Variants in SUPT3H observed in about 807,000 individuals in gnomAD.
SUPT3H encodes SPT3 homolog, SAGA and STAGA complex component.
SUPT3H carries 44 observed loss-of-function variants against 44.3 expected under a neutral mutation model. That is an observed-to-expected ratio of 0.99 (90% CI 0.78 to 1.28). The LOEUF (loss-of-function observed/expected upper bound fraction) is 1.28. Among genes scored for constraint, SUPT3H ranks in the 50% most tolerant of loss-of-function variants. The probability of loss-of-function intolerance (pLI) is 0.00; values close to 1 mark genes in which losing one functional copy is unlikely to be tolerated. For synonymous variants in SUPT3H, 124 were observed against 125.6 expected (o/e 0.99, Z 0.09); for missense variants, 380 against 387.1 (o/e 0.98, Z 0.15).
rs115741877 is a variant in SUPT3H, at chr6:44,921,653, A to G, written c.912+11000T>C. Among the ~76,000 whole-genome samples the G allele has an allele frequency of 6.5e-3, 989 of 152,290 alleles. 13 individuals carry two copies. The highest frequency in any genetic ancestry group is 0.022 in the African/African-American group (934 of 41,550). ...TTTGTCAACTATAACTCATTTACTT[A>G]TTAGGATCTTACCTAATTAGTCTTG... On this transcript the variant is annotated intron_variant, in intron 10 of 10. Transcript: ENST00000371459.
At chr6:44,890,335 A>G (rs57097036) in intron 10 of SUPT3H, among the ~76,000 whole-genome samples, 34 of 147,392 alleles carry the variant, frequency 2.3e-4, no homozygotes, top group East Asian at 4.0e-4. Context: ...CATTATTCAC[A>G]ATAGCAAAGA....
chr6:44,895,428 T>G (rs895399244), intron 10 of SUPT3H, among the ~76,000 whole-genome samples: 1 of 152,164 alleles, frequency 6.6e-6, no homozygotes, highest in African/African-American at 2.4e-5. Flanking sequence ...CTGAAAGCTC[T>G]GAAGATAATT....
At chr6:44,955,820 G>A (rs887937152) in intron 7 of SUPT3H, among the ~76,000 whole-genome samples, 14 of 152,154 alleles carry the variant, frequency 9.2e-5, no homozygotes, top group African/African-American at 3.4e-4. Flanking sequence ...CTCAGAAATT[G>A]CTACTAAAGA....
At chr6:45,101,669 C>T (rs1007131394) in intron 3 of SUPT3H, among the ~76,000 whole-genome samples, 1 of 152,046 alleles carries the variant, frequency 6.6e-6, no homozygotes, top group South Asian at 2.1e-4. Flanking sequence ...ACAAAGAAAT[C>T]ATAAATGTTT....
At chr6:45,296,516 A>G (rs1000330603) in intron 2 of SUPT3H, among the ~76,000 whole-genome samples, 2 of 152,036 alleles carry the variant, frequency 1.3e-5, no homozygotes, top group African/African-American at 4.8e-5. Flanking sequence ...AGGTGGGCAG[A>G]TTACCTGAGG....
intron 2 of SUPT3H, among the ~76,000 whole-genome samples, chr6:45,140,448 C>T (rs76843790): frequency 0.02 from 3,097 of 152,280 alleles, 42 homozygotes; most frequent in Non-Finnish European, 0.032. Flanking sequence ...CCACCCAACT[C>T]AGGCAATTAC....
intron 2 of SUPT3H, among the ~76,000 whole-genome samples, chr6:45,158,063 AATT>A (rs974983446): frequency 1.1e-4 from 16 of 146,594 alleles, no homozygotes; most frequent in African/African-American, 2.0e-4. Context: ...TTTATTTATA[AATT>A]ATTATAATTT....
intron 2 of SUPT3H, among the ~76,000 whole-genome samples, chr6:45,167,325 T>C (rs1430599555): frequency 6.6e-6 from 1 of 152,208 alleles, no homozygotes; most frequent in Non-Finnish European, 1.5e-5. Flanking sequence ...TCTCCTGGAA[T>C]TTCTCTTGGA....
At position 44,851,009 on chromosome 6, in the gene SUPT3H, A is replaced by G. The variant is rs16872738; in HGVS notation, c.913-21152T>C. 4.7e-3 allele frequency among the ~76,000 whole-genome samples: 719 copies of G among 152,296 alleles called. 12 individuals are homozygous for G. The highest frequency in any genetic ancestry group is 0.017 in the African/African-American group (687 of 41,562). On this transcript the variant is annotated intron_variant, in intron 10 of 10. Transcript: ENST00000371459. Reference sequence around the variant, plus strand: ...TTTTGGGAGCTCAAGGTCTAATGACATGGCTGTGACCTCTGACAGATGGTG... The same window carrying G: ...TTTTGGGAGCTCAAGGTCTAATGACGTGGCTGTGACCTCTGACAGATGGTG...
chr6:44,884,947 C>T (rs1778896394), intron 10 of SUPT3H, among the ~76,000 whole-genome samples: 1 of 152,172 alleles, frequency 6.6e-6, no homozygotes, highest in African/African-American at 2.4e-5. Context: ...TAAAAAACGG[C>T]GCACCAGGAG....
At chr6:45,089,900 T>C (rs187990982) in intron 3 of SUPT3H, among the ~76,000 whole-genome samples, 24 of 152,204 alleles carry the variant, frequency 1.6e-4, no homozygotes, top group Non-Finnish European at 2.8e-4. Flanking sequence ...TGTCCCCAGC[T>C]GTCTACAGAA....
chr6:45,189,180 T>C (rs910308654), intron 2 of SUPT3H, among the ~76,000 whole-genome samples: 18 of 152,144 alleles, frequency 1.2e-4, no homozygotes, highest in African/African-American at 4.1e-4. Flanking sequence ...GCCAAACAAA[T>C]AAAATTATAT....
At chr6:44,986,336 C>G (rs1185667015) in intron 6 of SUPT3H, among the ~76,000 whole-genome samples, 1 of 152,126 alleles carries the variant, frequency 6.6e-6, no homozygotes, top group Non-Finnish European at 1.5e-5. Context: ...AACAGGGTAA[C>G]AGAAACTATC....
Position 45,281,604 on chromosome 6 carries a change from T to A in SUPT3H, c.101+83597A>T, listed in dbSNP as rs189154706. On this transcript the variant is annotated intron_variant, in intron 2 of 10. Transcript: ENST00000371459. ...AACAAAGCAGCCGGGAAGCTCAAAC[T>A]GGATGGAGCCCAGCACAGCTCAAGG... is the stretch of plus-strand genomic sequence containing the variant. Among the ~76,000 whole-genome samples, 153 of 152,284 alleles carry A rather than the reference T, an allele frequency of 1.0e-3. 1 individual carries two copies. Among genetic ancestry groups the A allele is most frequent in the Non-Finnish European group, 1.8e-3 (120 of 68,018 alleles).
intron 10 of SUPT3H, among the ~76,000 whole-genome samples, chr6:44,930,875 T>C (rs923176163): frequency 3.3e-5 from 5 of 152,220 alleles, no homozygotes; most frequent in Non-Finnish European, 5.9e-5. Context: ...TAGATCCAAA[T>C]TAGCTTAGGC....
chr6:44,836,087 G>A (rs967146691), intron 10 of SUPT3H, among the ~76,000 whole-genome samples: 2 of 152,074 alleles, frequency 1.3e-5, no homozygotes, highest in African/African-American at 2.4e-5. Flanking sequence ...TTGTGTCTGC[G>A]TGTGGGCAAG....
At chr6:45,359,664 G>T (rs6458441) in intron 2 of SUPT3H, among the ~76,000 whole-genome samples, 90,853 of 151,996 alleles carry the variant, frequency 0.6, 27,574 homozygotes, top group African/African-American at 0.66. Flanking sequence ...CTATGAAAAA[G>T]TATACTTTCT....
chr6:45,017,165 A>C (rs1219770101), intron 4 of SUPT3H, among the ~76,000 whole-genome samples: 1 of 151,494 alleles, frequency 6.6e-6, no homozygotes, highest in Admixed American at 6.6e-5. Context: ...GTCTGTTCAT[A>C]TCCTTTGCCC....
chr6:45,020,394 A>C (rs1014948064), intron 4 of SUPT3H, 152 bp downstream of exon 4: 1 of 574,408 alleles, frequency 1.7e-6, no homozygotes, highest in Admixed American at 3.5e-5. Context: ...TTTTGTAAAC[A>C]CATTTTGTCG....
Sources: gnomAD v4.1 joint callset for allele counts (sites outside exome capture counted in the v4.1 genomes callset) on GRCh38, gnomAD v4.1.1 for gene constraint, MANE v1.5 for transcripts, NCBI Gene and HGNC (gene_info 2026-07-23, HGNC 2026-07-21) for gene names.